ZNF516: variants seen among roughly 807,000 people sequenced by gnomAD.
The protein encoded by ZNF516 is zinc finger protein 516.
Under a neutral mutation model 79.7 loss-of-function variants are expected in ZNF516, and 19 were observed. That is an observed-to-expected ratio of 0.24 (90% CI 0.17 to 0.35). ZNF516 has a LOEUF of 0.35. Ranked by LOEUF, ZNF516 falls within the 10% of genes least tolerant of loss-of-function variation. The pLI is 1.00. For missense variants in ZNF516, 1,678 were observed against 1,679.5 expected (o/e 1.00, Z 0.02); for synonymous variants, 877 against 739.5 (o/e 1.19, Z -3.02).
intron 3 of ZNF516, chr18:76,387,585 C>T (rs1270530834): frequency 2.0e-5 from 3 of 152,152 alleles, no homozygotes; most frequent in East Asian, 1.9e-4. Flanking sequence ...AACTATATAA[C>T]GTGATTTTCT....
chr18:76,477,191 A>G (rs1197744441), intron 1 of ZNF516, among the ~76,000 whole-genome samples: 4 of 152,216 alleles, frequency 2.6e-5, no homozygotes, highest in African/African-American at 7.2e-5. Context: ...CTTACGTTCA[A>G]AAGTCTGGTA....
intron 4 of ZNF516, among the ~76,000 whole-genome samples, 164 bp from the exon 5 acceptor site, chr18:76,371,735 T>C (rs776168855): frequency 3.9e-5 from 6 of 152,174 alleles, no homozygotes; most frequent in Admixed American, 6.5e-5. Context: ...TCAGCCTTCA[T>C]CTCGGCTCTG....
intron 3 of ZNF516, among the ~76,000 whole-genome samples, chr18:76,421,938 G>A (rs1219601557): frequency 1.3e-5 from 2 of 152,134 alleles, no homozygotes; most frequent in Non-Finnish European, 2.9e-5. Context: ...TATGACTCTG[G>A]CCATTTTAAG....
chr18:76,359,039 T>C lies in ZNF516; in HGVS notation c.*3459A>G, dbSNP rs1164476960. 2.6e-5 allele frequency: 4 copies of C among 152,216 alleles called. No individual in the cohort carries two copies. The East Asian group carries it at 7.7e-4, about 29-fold the overall frequency. 9.4% of individuals were successfully genotyped at this position (152,216 alleles called of 1,614,324 possible). A position where few individuals can be genotyped will look rare whatever the true frequency, so the allele number is the denominator to read the frequency against. ...GGAGTGTGAGACGATGAAACCCACATGTGCCGGAGCCCCTGCAGAGGTGTT... is the reference window on the plus strand; with the variant it reads ...GGAGTGTGAGACGATGAAACCCACACGTGCCGGAGCCCCTGCAGAGGTGTT... On this transcript the variant is annotated 3_prime_UTR_variant, in exon 7 of 7. Coordinates refer to ENST00000443185, the MANE Select transcript of ZNF516 (RefSeq NM_014643.4).
intron 1 of ZNF516, among the ~76,000 whole-genome samples, chr18:76,478,862 C>T (rs573399636): frequency 6.6e-6 from 1 of 152,242 alleles, no homozygotes; most frequent in South Asian, 2.1e-4. Flanking sequence ...TCAAGACCAG[C>T]CTGGCCAACA....
At chr18:76,413,088 C>T (rs148308325) in intron 3 of ZNF516, among the ~76,000 whole-genome samples, 54 of 152,290 alleles carry the variant, frequency 3.5e-4, no homozygotes, top group African/African-American at 1.3e-3. Context: ...GAGGCAGAAA[C>T]GAAGTGCTAT....
At chr18:76,492,342 G>C (rs1915281089) in intron 1 of ZNF516, 1 of 985,366 alleles carries the variant, frequency 1.0e-6, no homozygotes, top group Non-Finnish European at 1.2e-6. Context: ...CAGTAAGTCA[G>C]CTGCAAGCGT....
At chr18:76,402,492 C>T (rs2075244436) in intron 3 of ZNF516, among the ~76,000 whole-genome samples, 1 of 152,154 alleles carries the variant, frequency 6.6e-6, no homozygotes, top group Admixed American at 6.5e-5. Context: ...ACCCACGTGA[C>T]AGGACAGACC....
chr18:76,385,068 C>T lies in ZNF516; in HGVS notation c.1811-4765G>A, dbSNP rs181367112. 4.1e-4 allele frequency among the ~76,000 whole-genome samples: 62 copies of T among 152,312 alleles called. No homozygotes were observed. In the East Asian group the frequency reaches 6.2e-3, roughly 15 times the overall value. On this transcript the variant is annotated intron_variant, in intron 3 of 6. Coordinates refer to ENST00000443185, the MANE Select transcript of ZNF516 (RefSeq NM_014643.4). The stretch of plus-strand genomic sequence containing the variant: ...GAAGCACGTGCCAGGAGGAGGCAGC[C>T]GGGTCCGAGCAGCCCTAGAGAAGGC...
intron 1 of ZNF516, among the ~76,000 whole-genome samples, chr18:76,471,550 T>C (rs4278833): frequency 6.6e-6 from 1 of 152,152 alleles, no homozygotes. Flanking sequence ...TGACCTGCGG[T>C]GGGCCCATGT....
At chr18:76,468,387 T>G (rs1326611060) in intron 1 of ZNF516, among the ~76,000 whole-genome samples, 1 of 151,920 alleles carries the variant, frequency 6.6e-6, no homozygotes, top group Non-Finnish European at 1.5e-5. Context: ...TGCTGTTTTT[T>G]GTTTTTTGTT....
At chr18:76,380,881 T>A (rs1317330131) in intron 3 of ZNF516, among the ~76,000 whole-genome samples, 1 of 152,138 alleles carries the variant, frequency 6.6e-6, no homozygotes, top group African/African-American at 2.4e-5. Flanking sequence ...CCTACGCATC[T>A]CTCCTGTGAG....
intron 3 of ZNF516, among the ~76,000 whole-genome samples, chr18:76,432,256 C>T (rs1392637194): frequency 6.6e-6 from 1 of 152,248 alleles, no homozygotes; most frequent in Non-Finnish European, 1.5e-5. Context: ...GCACCAGCAC[C>T]ATCGATACCT....
chr18:76,370,866 T>C (rs1319697702), intron 5 of ZNF516, among the ~76,000 whole-genome samples: 2 of 152,234 alleles, frequency 1.3e-5, no homozygotes, highest in Non-Finnish European at 2.9e-5. Flanking sequence ...GACCCTCTTC[T>C]TGCATTACTT....
intron 1 of ZNF516, among the ~76,000 whole-genome samples, chr18:76,485,635 G>T (rs1242816727): frequency 6.6e-6 from 1 of 152,168 alleles, no homozygotes; most frequent in African/African-American, 2.4e-5. Flanking sequence ...GTTAAAAATG[G>T]AGGTGGAATC....
chr18:76,405,438 G>A (rs1042858875), intron 3 of ZNF516, among the ~76,000 whole-genome samples: 1 of 152,174 alleles, frequency 6.6e-6, no homozygotes, highest in South Asian at 2.1e-4. Context: ...CCGACAGGGC[G>A]TGGGCAACGG....
In ZNF516 at chr18:76,403,014, C is replaced by CCA. The variant is rs200051732; in HGVS notation, c.1811-22713_1811-22712dup. The stretch of plus-strand genomic sequence containing the variant: ...AGACTGTGCTCACCTGCGCACCTTC[C>CCA]CAGTTGCTGCTGAGCCACCTGCCTG... On this transcript the variant is annotated intron_variant, in intron 3 of 6. Coordinates refer to ENST00000443185, the MANE Select transcript of ZNF516 (RefSeq NM_014643.4). Among the ~76,000 whole-genome samples, 1,148 of 152,360 alleles carry CCA rather than the reference C, an allele frequency of 7.5e-3. 14 individuals are homozygous for CCA. The highest frequency in any genetic ancestry group is 0.025 in the African/African-American group (1,053 of 41,584).
chr18:76,472,937 A>C (rs547319652), intron 1 of ZNF516, among the ~76,000 whole-genome samples: 170 of 152,260 alleles, frequency 1.1e-3, no homozygotes, highest in Admixed American at 2.0e-3. Flanking sequence ...ACAACAGCCA[A>C]AAAAGGAATG....
chr18:76,395,238 G>A (rs889379199), intron 3 of ZNF516, among the ~76,000 whole-genome samples: 8 of 152,166 alleles, frequency 5.3e-5, no homozygotes, highest in Admixed American at 1.3e-4. Context: ...GGGCCTCTGC[G>A]CTCGCTGTTT....
Sources: allele counts gnomAD v4.1 joint callset (sites outside exome capture counted in the v4.1 genomes callset), GRCh38; gene constraint gnomAD v4.1.1; transcripts MANE v1.5; gene names NCBI Gene and HGNC (gene_info 2026-07-23, HGNC 2026-07-21).